The following CAMKMT variants were observed in gnomAD, a reference collection of about 807,000 sequenced individuals.
The protein encoded by CAMKMT is calmodulin-lysine N-methyltransferase.
CAMKMT carries 53 observed loss-of-function variants against 48.0 expected under a neutral mutation model. The observed-to-expected ratio is 1.10, with a 90% CI of 0.89 to 1.39. The LOEUF is 1.39. Among genes scored for constraint, CAMKMT ranks in the 40% most tolerant of loss-of-function variants. CAMKMT has a pLI of 0.00. For missense variants in CAMKMT, 428 were observed against 402.7 expected (o/e 1.06, Z -0.54); for synonymous variants, 165 against 152.3 (o/e 1.08, Z -0.61).
chr2:44,443,657 G>A (rs184034450), intron 3 of CAMKMT, among the ~76,000 whole-genome samples: 105 of 152,302 alleles, frequency 6.9e-4, no homozygotes, highest in African/African-American at 2.5e-3. Flanking sequence ...GAAGAATAAA[G>A]GTTGATCATG....
intron 2 of CAMKMT, among the ~76,000 whole-genome samples, chr2:44,374,284 A>G (rs1170083041): frequency 1.3e-5 from 2 of 152,112 alleles, no homozygotes; most frequent in African/African-American, 2.4e-5. Flanking sequence ...CCTTGGTTAG[A>G]AAGGAAAGAA....
chr2:44,542,477 G>A (rs1354847423), intron 3 of CAMKMT, among the ~76,000 whole-genome samples: 2 of 148,108 alleles, frequency 1.4e-5, no homozygotes, highest in Non-Finnish European at 3.0e-5. Flanking sequence ...TCTAACTCAG[G>A]AGGTAAGACA....
At position 44,626,079 on chromosome 2, in the gene CAMKMT, T is replaced by C. The variant is rs576581912; in HGVS notation, c.377-78204T>C. Among the ~76,000 whole-genome samples, 4 of 152,328 alleles carry C rather than the reference T, an allele frequency of 2.6e-5. No individual in the cohort carries two copies. In the South Asian group the frequency reaches 8.3e-4, roughly 32 times the overall value. ...AAGGCTGTTGTGATTTTAATTGGGA[T>C]TGCATTGAATTCATAGATGAATTTA... On this transcript the variant is annotated intron_variant, in intron 3 of 10. Coordinates refer to ENST00000378494, the MANE Select transcript of CAMKMT (RefSeq NM_024766.5).
chr2:44,654,469 C>A (rs1052948143), intron 3 of CAMKMT, among the ~76,000 whole-genome samples: 2 of 152,102 alleles, frequency 1.3e-5, no homozygotes, highest in African/African-American at 4.8e-5. Context: ...GCCCTTTAGA[C>A]CTTTTTACAC....
At chr2:44,756,342 G>T (rs1680378703) in intron 9 of CAMKMT, among the ~76,000 whole-genome samples, 1 of 152,156 alleles carries the variant, frequency 6.6e-6, no homozygotes, top group East Asian at 1.9e-4. Flanking sequence ...CTAAGAAAAT[G>T]GTCAAGGTTT....
chr2:44,654,225 G>T (rs1674243337), intron 3 of CAMKMT, among the ~76,000 whole-genome samples: 1 of 152,050 alleles, frequency 6.6e-6, no homozygotes, highest in Non-Finnish European at 1.5e-5. Context: ...ATCCAGTTGT[G>T]GGGGAATGTA....
chr2:44,625,837 A>G (rs948731513), intron 3 of CAMKMT, among the ~76,000 whole-genome samples: 3 of 152,136 alleles, frequency 2.0e-5, no homozygotes, highest in Admixed American at 1.3e-4. Flanking sequence ...CAGATCTCTT[A>G]CTGGACTGTC....
intron 3 of CAMKMT, among the ~76,000 whole-genome samples, chr2:44,654,520 T>A (rs1674262381): frequency 2.0e-5 from 3 of 152,188 alleles, no homozygotes; most frequent in African/African-American, 4.8e-5. Flanking sequence ...TTTTCGTTTT[T>A]GTTTTTTTGT....
chr2:44,444,628 T>A (rs778096233), intron 3 of CAMKMT, among the ~76,000 whole-genome samples: 5 of 152,210 alleles, frequency 3.3e-5, no homozygotes, highest in Non-Finnish European at 7.3e-5. Flanking sequence ...ACTGTTCAAG[T>A]TATACACACA....
At chr2:44,544,028 C>A (rs995004950) in intron 3 of CAMKMT, among the ~76,000 whole-genome samples, 1 of 151,996 alleles carries the variant, frequency 6.6e-6, no homozygotes, top group Non-Finnish European at 1.5e-5. Context: ...ACTTTCTGGA[C>A]AAAAATCTAC....
intron 3 of CAMKMT, among the ~76,000 whole-genome samples, chr2:44,702,087 T>C (rs927256422): frequency 1.3e-5 from 2 of 152,188 alleles, no homozygotes; most frequent in African/African-American, 4.8e-5. Flanking sequence ...ATTTTTGTAC[T>C]TAATCAAGGC....
At chr2:44,550,034 G>GTAGTCATATTCACAAAAATACCTTGA (rs1444055135) in intron 3 of CAMKMT, among the ~76,000 whole-genome samples, 1 of 152,180 alleles carries the variant, frequency 6.6e-6, no homozygotes, top group Non-Finnish European at 1.5e-5. Context: ...GAATGTGTGT[G>GTAGTCATATTCACAAAAATACCTTGA]TAGTCATATT....
chr2:44,617,738 T>C (rs1164060842), intron 3 of CAMKMT, among the ~76,000 whole-genome samples: 1 of 152,124 alleles, frequency 6.6e-6, no homozygotes. Flanking sequence ...AAATGAAGAG[T>C]GTGGCTTTAA....
intron 3 of CAMKMT, among the ~76,000 whole-genome samples, chr2:44,500,163 A>T (rs1009523454): frequency 2.0e-5 from 3 of 152,172 alleles, no homozygotes; most frequent in African/African-American, 7.2e-5. Flanking sequence ...AGCTGTCCCT[A>T]CATGTCTCTA....
In CAMKMT at chr2:44,485,383, CCA is replaced by C. The variant is rs372930612; in HGVS notation, c.376+95085_376+95086del. On this transcript the variant is annotated intron_variant, in intron 3 of 10. Transcript: ENST00000378494. Reference sequence around the variant, plus strand: ...AGCAAAGAAAATGAATCAACTATTTCCACACACAATATGCTGTACAAATCTCA... The same window carrying C: ...AGCAAAGAAAATGAATCAACTATTTCCACACAATATGCTGTACAAATCTCA... Among the ~76,000 whole-genome samples the C allele has an allele frequency of 3.3e-3, 502 of 152,270 alleles. 3 individuals are homozygous for C. Among genetic ancestry groups the C allele is most frequent in the African/African-American group, 0.012 (486 of 41,544 alleles).
At chr2:44,489,205 G>T (rs1321266227) in intron 3 of CAMKMT, among the ~76,000 whole-genome samples, 2 of 148,412 alleles carry the variant, frequency 1.3e-5, no homozygotes, top group Non-Finnish European at 3.0e-5. Flanking sequence ...TCTTCCTCTA[G>T]TCTAATGGTT....
intron 3 of CAMKMT, chr2:44,631,513 A>G: frequency 1.6e-6 from 1 of 622,368 alleles, no homozygotes; most frequent in Non-Finnish European, 2.9e-6. Flanking sequence ...TTTATTGCCC[A>G]TGTTGGTCTT....
At chr2:44,467,183 G>C (rs1328943717) in intron 3 of CAMKMT, among the ~76,000 whole-genome samples, 1 of 152,032 alleles carries the variant, frequency 6.6e-6, no homozygotes, top group Non-Finnish European at 1.5e-5. Context: ...GAGCCTGGGA[G>C]GTCAAGGCTG....
intron 3 of CAMKMT, among the ~76,000 whole-genome samples, chr2:44,562,727 A>T (rs567028495): frequency 1.7e-3 from 264 of 152,218 alleles, no homozygotes; most frequent in African/African-American, 5.7e-3. Context: ...CACCCAGCTA[A>T]TTCTTGTATT....
Sources: gnomAD v4.1 joint callset for allele counts (sites outside exome capture counted in the v4.1 genomes callset) on GRCh38, gnomAD v4.1.1 for gene constraint, MANE v1.5 for transcripts, NCBI Gene and HGNC (gene_info 2026-07-23, HGNC 2026-07-21) for gene names.